DSCAM: variants seen among roughly 807,000 people sequenced by gnomAD.
DSCAM encodes the protein cell adhesion molecule DSCAM.
DSCAM carries 47 observed loss-of-function variants against 217.7 expected under a neutral mutation model. The observed-to-expected ratio is 0.22, with a 90% CI of 0.17 to 0.28. The LOEUF (loss-of-function observed/expected upper bound fraction) is 0.28, where lower values mean the gene tolerates loss of function less well. Ranked by LOEUF, DSCAM falls within the 10% of genes least tolerant of loss-of-function variation. The pLI is 1.00. For missense variants in DSCAM, 2,080 were observed against 2,618.3 expected (o/e 0.79, Z 4.49); for synonymous variants, 1,056 against 1,015.3 (o/e 1.04, Z -0.76).
At chr21:40,581,830 A>G (rs1174213137) in intron 3 of DSCAM, among the ~76,000 whole-genome samples, 1 of 152,212 alleles carries the variant, frequency 6.6e-6, no homozygotes, top group Non-Finnish European at 1.5e-5. Flanking sequence ...TAACATTTTC[A>G]TATAGAAGAA....
At chr21:40,039,602 T>A (rs186037170) in intron 32 of DSCAM, among the ~76,000 whole-genome samples, 1 of 152,204 alleles carries the variant, frequency 6.6e-6, no homozygotes, top group Non-Finnish European at 1.5e-5. Context: ...GTATGTAGTA[T>A]TGAGTATTCA....
intron 3 of DSCAM, among the ~76,000 whole-genome samples, chr21:40,420,227 C>A (rs201398489): frequency 6.6e-6 from 1 of 150,860 alleles, no homozygotes; most frequent in African/African-American, 2.4e-5. Context: ...TGCCAATTTT[C>A]ATTTTTAAAG....
At chr21:40,421,758 A>C (rs1862145578) in intron 3 of DSCAM, among the ~76,000 whole-genome samples, 1 of 152,264 alleles carries the variant, frequency 6.6e-6, no homozygotes, top group African/African-American at 2.4e-5. Flanking sequence ...GGAAACAAAA[A>C]GTACTTGGAT....
chr21:40,517,287 T>C (rs1432915523), intron 3 of DSCAM, among the ~76,000 whole-genome samples: 1 of 150,226 alleles, frequency 6.7e-6, no homozygotes, highest in African/African-American at 2.4e-5. Flanking sequence ...TGTGTATTTA[T>C]ATATTTATAT....
At chr21:40,428,828 C>G (rs1447427689) in intron 3 of DSCAM, among the ~76,000 whole-genome samples, 1 of 146,178 alleles carries the variant, frequency 6.8e-6, no homozygotes, top group Non-Finnish European at 1.5e-5. Flanking sequence ...CATACAGCGA[C>G]CTAATACACA....
chr21:40,077,589 T>C (rs890674134), intron 26 of DSCAM, among the ~76,000 whole-genome samples: 3 of 152,156 alleles, frequency 2.0e-5, no homozygotes, highest in African/African-American at 7.2e-5. Context: ...AGAATCACTC[T>C]CCTAGAGAGC....
intron 28 of DSCAM, among the ~76,000 whole-genome samples, chr21:40,059,111 C>T (rs1403398902): frequency 6.6e-6 from 1 of 152,150 alleles, no homozygotes; most frequent in East Asian, 1.9e-4. Flanking sequence ...CAGAACATTC[C>T]TTAAATGTAC....
chr21:40,036,155 T>C (rs2088618201), intron 32 of DSCAM, among the ~76,000 whole-genome samples: 1 of 139,914 alleles, frequency 7.1e-6, no homozygotes, highest in African/African-American at 2.8e-5. Context: ...AGGCAAGAAA[T>C]AACTAAAATC....
chr21:40,795,158 C>T (rs999468280), intron 1 of DSCAM, among the ~76,000 whole-genome samples: 2 of 152,070 alleles, frequency 1.3e-5, no homozygotes, highest in Admixed American at 6.6e-5. Flanking sequence ...CTACCTCCTC[C>T]ATCACATAAA....
chr21:40,618,239 A>T (rs1455621492), intron 3 of DSCAM, among the ~76,000 whole-genome samples: 1 of 152,148 alleles, frequency 6.6e-6, no homozygotes, highest in Non-Finnish European at 1.5e-5. Flanking sequence ...TTTTCAGAAA[A>T]TCCAAACGAA....
At chr21:40,359,866 T>C (rs914126173) in intron 4 of DSCAM, among the ~76,000 whole-genome samples, 1 of 152,166 alleles carries the variant, frequency 6.6e-6, no homozygotes, top group African/African-American at 2.4e-5. Context: ...TAAATTGGCG[T>C]AATTGTGGCA....
At chr21:40,577,000 TAAA>T (rs59503954) in intron 3 of DSCAM, among the ~76,000 whole-genome samples, 19 of 140,230 alleles carry the variant, frequency 1.4e-4, no homozygotes, top group African/African-American at 4.6e-4. Flanking sequence ...AACAATAAAA[TAAA>T]AAAAAAAATA....
chr21:40,275,600 A>G (rs1277272388), intron 11 of DSCAM, among the ~76,000 whole-genome samples: 1 of 152,192 alleles, frequency 6.6e-6, no homozygotes, highest in Non-Finnish European at 1.5e-5. Flanking sequence ...AGTCTTACAC[A>G]TTTCTGTCTT....
chr21:40,185,562 C>T (rs965562583), intron 14 of DSCAM, among the ~76,000 whole-genome samples: 4 of 152,214 alleles, frequency 2.6e-5, no homozygotes, highest in Non-Finnish European at 4.4e-5. Flanking sequence ...CCTGCAGCCC[C>T]ATAGCCAGTG....
intron 3 of DSCAM, among the ~76,000 whole-genome samples, chr21:40,500,674 G>T (rs1357592664): frequency 6.6e-6 from 1 of 152,206 alleles, no homozygotes; most frequent in Non-Finnish European, 1.5e-5. Flanking sequence ...CAGTACCCAG[G>T]GGCTAAGAGC....
At chr21:40,109,987 G>A (rs1393124113) in intron 20 of DSCAM, among the ~76,000 whole-genome samples, 1 of 152,188 alleles carries the variant, frequency 6.6e-6, no homozygotes, top group Non-Finnish European at 1.5e-5. Flanking sequence ...CTCCACCTCT[G>A]GGGGCAGGGC....
At chr21:40,334,335 C>T (rs1221674262) in intron 8 of DSCAM, among the ~76,000 whole-genome samples, 1 of 152,192 alleles carries the variant, frequency 6.6e-6, no homozygotes, top group Non-Finnish European at 1.5e-5. Flanking sequence ...CCTCAAACGG[C>T]TCCACTGCAT....
At chr21:40,353,830 T>C in intron 4 of DSCAM, 87 bp from the exon 5 acceptor site, 1 of 1,202,078 alleles carries the variant, frequency 8.3e-7, no homozygotes, top group Admixed American at 3.5e-5. Flanking sequence ...ATAACTTAAA[T>C]ACGGTGCATC....
chr21:40,238,847 G>A (rs2073111727), intron 11 of DSCAM, among the ~76,000 whole-genome samples: 1 of 152,128 alleles, frequency 6.6e-6, no homozygotes, highest in Admixed American at 6.6e-5. Flanking sequence ...ACTTTCAGGT[G>A]AGAATGACTG....
Sources: allele counts gnomAD v4.1 joint callset (sites outside exome capture counted in the v4.1 genomes callset), GRCh38; gene constraint gnomAD v4.1.1; transcripts MANE v1.5; gene names NCBI Gene and HGNC (gene_info 2026-07-23, HGNC 2026-07-21).